The following NR1I2 variants were observed in gnomAD, a reference collection of about 807,000 sequenced individuals.
The protein encoded by NR1I2 is orphan nuclear receptor PAR1.
In NR1I2, 42 loss-of-function variants were observed where a neutral mutation model predicts 43.3. The observed-to-expected ratio is 0.97, with a 90% CI of 0.76 to 1.26. NR1I2 has a LOEUF of 1.26. NR1I2 is among the 50% of genes most tolerant of loss of function. NR1I2 has a pLI of 0.00. For synonymous variants in NR1I2, 229 were observed against 215.0 expected (o/e 1.06, Z -0.57); for missense variants, 559 against 566.7 (o/e 0.99, Z 0.14).
At chr3:119,802,548 T>A (rs1433783067) in intron 1 of NR1I2, among the ~76,000 whole-genome samples, 1 of 152,204 alleles carries the variant, frequency 6.6e-6, no homozygotes, top group Non-Finnish European at 1.5e-5. Flanking sequence ...ATGTGCAGAA[T>A]CTTTGCCAAC....
chr3:119,815,115 A>G lies in NR1I2; in HGVS notation c.931A>G (p.Thr311Ala). The G allele has an allele frequency of 6.2e-7, 1 of 1,614,080 alleles. No individual in the cohort carries two copies. Among genetic ancestry groups the G allele is most frequent in the Non-Finnish European group, 8.5e-7 (1 of 1,180,016 alleles). Residue 311 changes from threonine to alanine, a missense_variant, in exon 6 of 9, where the codon ACT (threonine) becomes GCT (alanine). Thr to Ala is a moderately conservative substitution (Grantham distance 58). Coordinates refer to ENST00000393716, the MANE Select transcript of NR1I2 (RefSeq NM_003889.4). ...CCGGCTGTCCTACTGCTTGGAAGACACTGCAGGTGCCCGAGAGAGCCTGCC... is the reference window on the plus strand; with the variant it reads ...CCGGCTGTCCTACTGCTTGGAAGACGCTGCAGGTGCCCGAGAGAGCCTGCC...
chr3:119,796,780 C>G (rs1303230035), intron 1 of NR1I2, among the ~76,000 whole-genome samples: 1 of 152,250 alleles, frequency 6.6e-6, no homozygotes, highest in Admixed American at 6.5e-5. Context: ...CTCCTCACTT[C>G]TTGCCCTGCC....
intron 3 of NR1I2, chr3:119,811,267 C>A: frequency 2.7e-6 from 1 of 376,586 alleles, no homozygotes; most frequent in Non-Finnish European, 4.8e-6. Context: ...ATTCTGAAGC[C>A]CGTGCTCTTG....
intron 1 of NR1I2, among the ~76,000 whole-genome samples, chr3:119,784,972 AG>A (rs1304662617): frequency 1.3e-5 from 2 of 152,218 alleles, no homozygotes; most frequent in Non-Finnish European, 2.9e-5. Flanking sequence ...AAAGCTTATC[AG>A]TTGATTCCTT....
In NR1I2 at chr3:119,799,963, A is replaced by AAAAC. The variant is rs566598313; in HGVS notation, c.-22-7244_-22-7241dup. Among the ~76,000 whole-genome samples, 1,237 of 150,928 alleles carry AAAAC rather than the reference A, an allele frequency of 8.2e-3. 7 individuals carry two copies. The highest frequency in any genetic ancestry group is 0.022 in the African/African-American group (925 of 41,206). ...CCTGCGTGATGAGACTTTGTCTCAA[A>AAAAC]AAACAAACAAACAAACAAACAAACA... On this transcript the variant is annotated intron_variant, in intron 1 of 8. Coordinates refer to ENST00000393716, the MANE Select transcript of NR1I2 (RefSeq NM_003889.4).
chr3:119,798,160 C>T (rs921438869), intron 1 of NR1I2, among the ~76,000 whole-genome samples: 1 of 152,152 alleles, frequency 6.6e-6, no homozygotes, highest in African/African-American at 2.4e-5. Context: ...ATATGTTAGG[C>T]TATTTCACTG....
rs145258573 is a variant in NR1I2, at chr3:119,804,960, T to C, written c.-22-2269T>C. Among the ~76,000 whole-genome samples the C allele has an allele frequency of 9.5e-4, 145 of 152,314 alleles. No homozygotes were observed. In the Middle Eastern group the frequency reaches 0.01, roughly 11 times the overall value. ...TAATCAAAATCTAAGATTTACCATC[T>C]TTTTTTCCCTTCAACAATACAGAAC... On this transcript the variant is annotated intron_variant, in intron 1 of 8. Transcript: ENST00000393716.
intron 2 of NR1I2, among the ~76,000 whole-genome samples, chr3:119,808,617 A>C (rs995320224): frequency 2.0e-5 from 3 of 152,208 alleles, no homozygotes; most frequent in Non-Finnish European, 2.9e-5. Context: ...TTTGGGTACT[A>C]TTCCTGGGAC....
At chr3:119,801,339 G>T (rs928047868) in intron 1 of NR1I2, among the ~76,000 whole-genome samples, 1 of 152,154 alleles carries the variant, frequency 6.6e-6, no homozygotes, top group Non-Finnish European at 1.5e-5. Flanking sequence ...AGATTTCACC[G>T]ATTACTAAGC....
chr3:119,793,940 G>A (rs186388450), intron 1 of NR1I2, among the ~76,000 whole-genome samples: 85 of 152,276 alleles, frequency 5.6e-4, no homozygotes, highest in African/African-American at 2.0e-3. Context: ...GTCATTTGTT[G>A]TGATTTCTTT....
chr3:119,806,212 G>A (rs2055158691), intron 1 of NR1I2, among the ~76,000 whole-genome samples: 1 of 152,194 alleles, frequency 6.6e-6, no homozygotes, highest in Non-Finnish European at 1.5e-5. Context: ...CTCAGTGTCT[G>A]TTCCAAGTAG....
intron 1 of NR1I2, among the ~76,000 whole-genome samples, chr3:119,801,305 G>T (rs1437410377): frequency 6.6e-6 from 1 of 152,238 alleles, no homozygotes; most frequent in African/African-American, 2.4e-5. Flanking sequence ...TACAGGAGAT[G>T]ATCCTTTCAA....
rs771205341 is a variant in NR1I2 at position 119,815,044 on chromosome 3, G to C, written c.860G>C (p.Arg287Thr). The change falls in exon 6 of 9, where the codon AGA (arginine) becomes ACA (threonine). Residue 287 changes from arginine (R) to threonine (T), a missense_variant. This residue lies in a region of NR1I2 where 323 missense variants were observed against 312.2 expected (regional missense o/e 1.03). Transcript: ENST00000393716. ...GCCGCTTTCGAGCTGTGTCAACTGAGATTCAACACAGTGTTCAACGCGGAG... is the reference window on the plus strand; with the variant it reads ...GCCGCTTTCGAGCTGTGTCAACTGACATTCAACACAGTGTTCAACGCGGAG... 18 of 1,614,068 alleles carry C rather than the reference G, an allele frequency of 1.1e-5. No homozygotes were observed. The highest frequency in any genetic ancestry group is 1.4e-5 in the Non-Finnish European group (17 of 1,180,038).
Position 119,812,862 on chromosome 3 carries a change from C to T in NR1I2, c.696C>T (p.Gly232=), listed in dbSNP as rs61755051. 8.5e-3 allele frequency: 13,647 copies of T among 1,614,180 alleles called. 86 individuals are homozygous for T. The highest frequency in any genetic ancestry group is 0.011 in the Middle Eastern group (66 of 6,060). Residue 232 remains glycine (G), a synonymous_variant, in exon 5 of 9, where the codon GGC becomes GGT. Coordinates refer to ENST00000393716, the MANE Select transcript of NR1I2 (RefSeq NM_003889.4). The stretch of plus-strand genomic sequence containing the variant: ...ACTACAAACCCCCAGCCGACAGTGG[C>T]GGGAAAGAGATCTTCTCCCTGCTGC...
chr3:119,807,360 G>A lies in NR1I2; in HGVS notation c.110G>A (p.Gly37Asp). 5.6e-6 allele frequency: 9 copies of A among 1,614,186 alleles called. No homozygotes were observed. Among genetic ancestry groups the A allele is most frequent in the Non-Finnish European group, 7.6e-6 (9 of 1,180,024 alleles). The change falls in exon 2 of 9, where the codon GGT becomes GAT. Residue 37 changes from glycine (G) to aspartate (D), a missense_variant. Around this residue, in one of 3 missense-constraint regions of NR1I2, gnomAD observed 232 missense variants for 236.6 expected, o/e 0.98. Transcript: ENST00000393716. Reference sequence around the variant, plus strand: ...GTCAACGCAGATGAGGAAGTCGGAGGTCCCCAAATCTGCCGTGTATGTGGG... The same window carrying A: ...GTCAACGCAGATGAGGAAGTCGGAGATCCCCAAATCTGCCGTGTATGTGGG...
chr3:119,801,777 G>A (rs1403817756), intron 1 of NR1I2, among the ~76,000 whole-genome samples: 4 of 152,192 alleles, frequency 2.6e-5, no homozygotes, highest in Admixed American at 1.3e-4. Flanking sequence ...GTCACCTGGA[G>A]GCATAATTGG....
At chr3:119,805,387 T>TC (rs1317127480) in intron 1 of NR1I2, among the ~76,000 whole-genome samples, 1 of 152,016 alleles carries the variant, frequency 6.6e-6, no homozygotes, top group Admixed American at 6.6e-5. Context: ...GAAAGTGAGT[T>TC]CCCCCAAAAA....
At chr3:119,812,565 A>G in intron 4 of NR1I2, 121 bp from the exon 5 acceptor site, 2 of 1,111,314 alleles carry the variant, frequency 1.8e-6, no homozygotes, top group Non-Finnish European at 2.7e-6. Context: ...GAATGCCTGC[A>G]TTTGTGCATC....
At position 119,782,756 on chromosome 3, in the gene NR1I2, G is replaced by A. The variant is rs1384606532; in HGVS notation, c.-23+456G>A. 5.0e-6 allele frequency: 8 copies of A among 1,612,944 alleles called. No individual in the cohort carries two copies. The South Asian group carries it at 8.8e-5, about 18-fold the overall frequency. The stretch of plus-strand genomic sequence containing the variant: ...CAGCCCCCTGAGGCCAAGGACAGCA[G>A]CATGACAGTCACCAGGACTCACCAC... On this transcript the variant is annotated intron_variant, in intron 1 of 8. Transcript: ENST00000393716.
Sources: gnomAD v4.1 joint callset for allele counts (sites outside exome capture counted in the v4.1 genomes callset) on GRCh38, gnomAD v4.1.1 for gene constraint, gnomAD v4.1.1 regional missense constraint, MANE v1.5 for transcripts, NCBI Gene and HGNC (gene_info 2026-07-23, HGNC 2026-07-21) for gene names.